Variants in NLGN4X observed in about 807,000 individuals in gnomAD.
NLGN4X encodes the protein neuroligin-4, X-linked.
In NLGN4X, 3 loss-of-function variants were observed where a neutral mutation model predicts 40.3. The observed-to-expected ratio is 0.07, with a 90% confidence interval of 0.03 to 0.19. The LOEUF is 0.19. NLGN4X is among the 10% of genes least tolerant of loss of function. The pLI, the probability that NLGN4X is intolerant of heterozygous loss-of-function variation, is 1.00. For synonymous variants in NLGN4X, 270 were observed against 306.8 expected, an observed-to-expected ratio of 0.88 and a Z score of 1.25; for missense variants, 382 against 708.3, an observed-to-expected ratio of 0.54 and a Z score of 5.23.
intron 3 of NLGN4X, among the ~76,000 whole-genome samples, chrX:6,019,425 G>A (rs1353256119): frequency 9.0e-6 from 1 of 111,492 alleles, no homozygotes; most frequent in African/African-American, 3.3e-5. Flanking sequence ...TTTTGGTACA[G>A]GCATGCACTG....
chrX:5,960,517 G>A (rs961441294), intron 3 of NLGN4X, among the ~76,000 whole-genome samples: 14 of 111,353 alleles, frequency 1.3e-4, no homozygotes, highest in Admixed American at 2.9e-4. Flanking sequence ...TGAGCTGCAG[G>A]AAAGCAAAAA....
intron 2 of NLGN4X, among the ~76,000 whole-genome samples, chrX:6,138,427 TAG>T (rs762485900): frequency 7.1e-4 from 79 of 111,883 alleles, no homozygotes; most frequent in African/African-American, 2.4e-3. Context: ...TCTCTGTTTG[TAG>T]AGAGTGCTCA....
rs780025945 is a variant in NLGN4X at position 6,118,366 on chromosome X, C to T, written c.472+32629G>A. On this transcript the variant is annotated intron_variant, in intron 2 of 5. Transcript: ENST00000381095. Reference sequence around the variant, plus strand: ...TCTCCTTGGTTGTTCTTAACTTAAACAAAAGCAGTCTCCTAATTCCCTCAC... The same window carrying T: ...TCTCCTTGGTTGTTCTTAACTTAAATAAAAGCAGTCTCCTAATTCCCTCAC... 2.2e-4 allele frequency among the ~76,000 whole-genome samples: 25 copies of T among 111,441 alleles called. No individual in the cohort carries two copies. The East Asian group carries it at 2.3e-3, about 10-fold the overall frequency.
intron 3 of NLGN4X, among the ~76,000 whole-genome samples, chrX:5,975,741 T>G (rs2035160278): frequency 9.0e-6 from 1 of 110,703 alleles, no homozygotes; most frequent in Admixed American, 9.7e-5. Flanking sequence ...GGGTACTGAA[T>G]AAACCTAGTC....
At chrX:5,960,327 T>G in intron 3 of NLGN4X, among the ~76,000 whole-genome samples, 1 of 109,876 alleles carries the variant, frequency 9.1e-6, no homozygotes. Context: ...GTGGTAAAGT[T>G]GTAGAACTGC....
intron 2 of NLGN4X, among the ~76,000 whole-genome samples, chrX:6,038,897 C>G (rs920545543): frequency 7.2e-5 from 8 of 111,260 alleles, no homozygotes; most frequent in Non-Finnish European, 1.5e-4. Flanking sequence ...GGCTGAGTAC[C>G]TGAAAATTAG....
chrX:6,211,369 G>C (rs12556529), intron 1 of NLGN4X, among the ~76,000 whole-genome samples: 16,202 of 110,865 alleles, frequency 0.15, 1,125 homozygotes, highest in African/African-American at 0.27. Flanking sequence ...ATTAAAATAA[G>C]CCAAATGTCA....
At chrX:6,017,664 A>C in intron 3 of NLGN4X, among the ~76,000 whole-genome samples, 1 of 112,035 alleles carries the variant, frequency 8.9e-6, no homozygotes, top group East Asian at 2.8e-4. Flanking sequence ...ATATTCAGTC[A>C]GTAGAAATCA....
intron 5 of NLGN4X, among the ~76,000 whole-genome samples, chrX:5,900,559 G>A (rs1212375209): frequency 6.8e-5 from 4 of 59,158 alleles, no homozygotes; most frequent in African/African-American, 2.6e-4. Flanking sequence ...CGTTTTTGGT[G>A]CTTTTTTTTT....
chrX:6,046,836 GTA>G (rs1283631301), intron 2 of NLGN4X, among the ~76,000 whole-genome samples: 1 of 90,668 alleles, frequency 1.1e-5, no homozygotes, highest in East Asian at 3.8e-4. Flanking sequence ...ACAATCATTT[GTA>G]TATATTATAA....
intron 2 of NLGN4X, among the ~76,000 whole-genome samples, chrX:6,103,703 T>C (rs1240615447): frequency 8.9e-6 from 1 of 111,908 alleles, no homozygotes; most frequent in Non-Finnish European, 1.9e-5. Flanking sequence ...TGATAACTGT[T>C]TTCCTCGCTA....
chrX:6,012,554 G>A (rs1218289556), intron 3 of NLGN4X, among the ~76,000 whole-genome samples: 1 of 111,634 alleles, frequency 9.0e-6, no homozygotes, highest in Non-Finnish European at 1.9e-5. Flanking sequence ...GGAGTGGGTT[G>A]CGTAATATCC....
intron 2 of NLGN4X, among the ~76,000 whole-genome samples, chrX:6,034,318 T>G (rs1406247960): frequency 3.6e-5 from 4 of 112,505 alleles, no homozygotes; most frequent in African/African-American, 1.3e-4. Context: ...GCATCAATAC[T>G]TCATTCCTTT....
intron 3 of NLGN4X, among the ~76,000 whole-genome samples, chrX:5,939,611 T>C (rs2033853774): frequency 8.9e-6 from 1 of 112,019 alleles, no homozygotes; most frequent in African/African-American, 3.2e-5. Flanking sequence ...TATCTTTCCA[T>C]ATTTTTGTCT....
chrX:6,074,601 C>A (rs908802684), intron 2 of NLGN4X, among the ~76,000 whole-genome samples: 5 of 111,944 alleles, frequency 4.5e-5, no homozygotes, highest in Non-Finnish European at 9.4e-5. Flanking sequence ...AGGTACTTTG[C>A]ATATCTGAGT....
chrX:6,209,219 G>C (rs1460858572), intron 1 of NLGN4X, among the ~76,000 whole-genome samples: 1 of 111,213 alleles, frequency 9.0e-6, no homozygotes, highest in African/African-American at 3.3e-5. Flanking sequence ...ATAGACCCTG[G>C]AGAATCAAAA....
At chrX:6,091,096 T>C (rs977566988) in intron 2 of NLGN4X, among the ~76,000 whole-genome samples, 1 of 106,928 alleles carries the variant, frequency 9.4e-6, no homozygotes, top group African/African-American at 3.4e-5. Flanking sequence ...GAGGGAGGAA[T>C]AGTTGGAGAG....
intron 2 of NLGN4X, among the ~76,000 whole-genome samples, chrX:6,110,162 C>T (rs1412037379): frequency 8.9e-6 from 1 of 111,988 alleles, no homozygotes; most frequent in African/African-American, 3.2e-5. Context: ...ATAGTAATAT[C>T]TCCATTAGCA....
intron 4 of NLGN4X, among the ~76,000 whole-genome samples, chrX:5,908,625 C>T (rs1033031295): frequency 8.9e-6 from 1 of 111,993 alleles, no homozygotes; most frequent in Non-Finnish European, 1.9e-5. Context: ...AAAAATATTA[C>T]TGATCAAGCA....
Sources: allele counts gnomAD v4.1 joint callset (sites outside exome capture counted in the v4.1 genomes callset), GRCh38; gene constraint gnomAD v4.1.1; transcripts MANE v1.5; gene names NCBI Gene and HGNC (gene_info 2026-07-23, HGNC 2026-07-21).